MCC: variants seen among roughly 807,000 people sequenced by gnomAD.
MCC encodes the protein MCC regulator of Wnt signaling pathway.
In MCC, 90 loss-of-function variants were observed where a neutral mutation model predicts 116.2. The observed-to-expected ratio is 0.77, with a 90% CI of 0.65 to 0.92. The LOEUF (loss-of-function observed/expected upper bound fraction) is 0.92, where lower values mean the gene tolerates loss of function less well. MCC is among the 40% of genes least tolerant of loss of function. The pLI is 0.00. For missense variants in MCC, 1,516 were observed against 1,312.2 expected, an observed-to-expected ratio of 1.16 and a Z score of -2.40; for synonymous variants, 578 against 510.5, an observed-to-expected ratio of 1.13 and a Z score of -1.78.
chr5:113,114,787 C>A (rs1757301652), intron 6 of MCC, among the ~76,000 whole-genome samples: 1 of 152,158 alleles, frequency 6.6e-6, no homozygotes, highest in South Asian at 2.1e-4. Context: ...CCTTCCCGTT[C>A]CATCCCCCTT....
chr5:113,038,049 C>G (rs55847800), intron 17 of MCC, among the ~76,000 whole-genome samples: 1 of 152,100 alleles, frequency 6.6e-6, no homozygotes, highest in South Asian at 2.1e-4. Context: ...TCTCTGGGTT[C>G]TGAGGGTCAG....
intron 1 of MCC, among the ~76,000 whole-genome samples, chr5:113,445,642 G>C (rs1322750268): frequency 1.3e-5 from 2 of 152,016 alleles, no homozygotes; most frequent in South Asian, 4.1e-4. Context: ...GGAAAAATCG[G>C]TATTGTTAAA....
chr5:113,280,521 T>TA (rs1766004013), intron 3 of MCC, among the ~76,000 whole-genome samples: 1 of 152,090 alleles, frequency 6.6e-6, no homozygotes. Flanking sequence ...TTCTAAGTCG[T>TA]AAGTCAGAGG....
intron 3 of MCC, among the ~76,000 whole-genome samples, chr5:113,175,277 C>T (rs1218576677): frequency 1.3e-5 from 2 of 152,100 alleles, no homozygotes; most frequent in Non-Finnish European, 2.9e-5. Context: ...ATAATGAACC[C>T]CATTAGAACA....
At chr5:113,049,324 CAT>C (rs754234174) in intron 15 of MCC, 25 bp from the exon 16 acceptor site, 41 of 1,537,380 alleles carry the variant, frequency 2.7e-5, no homozygotes, top group Non-Finnish European at 3.6e-5. Context: ...GCACAGAGCA[CAT>C]GAGGCATGCC....
At chr5:113,037,348 T>C (rs1751391621) in intron 17 of MCC, among the ~76,000 whole-genome samples, 1 of 152,152 alleles carries the variant, frequency 6.6e-6, no homozygotes, top group African/African-American at 2.4e-5. Flanking sequence ...CTCGCTGGCT[T>C]TTTCGAAGGC....
chr5:113,185,817 G>A (rs568372020), intron 3 of MCC, among the ~76,000 whole-genome samples: 21 of 152,176 alleles, frequency 1.4e-4, no homozygotes, highest in South Asian at 8.3e-4. Context: ...AGAATGAAGC[G>A]TGCTGTAGCA....
At chr5:113,145,763 CACACACACACACACACACACAA>C (rs573540440) in intron 4 of MCC, among the ~76,000 whole-genome samples, 18,448 of 101,144 alleles carry the variant, frequency 0.18, 1,389 homozygotes, top group Non-Finnish European at 0.21. Context: ...CACACACACA[CACACACACACACACACACACAA>C]ACACACACAC....
chr5:113,069,884 C>A (rs1406045204), intron 12 of MCC, among the ~76,000 whole-genome samples: 3 of 152,202 alleles, frequency 2.0e-5, no homozygotes, highest in South Asian at 4.1e-4. Flanking sequence ...CCGCGCCCAG[C>A]GTCAATTGAC....
intron 3 of MCC, among the ~76,000 whole-genome samples, chr5:113,276,847 G>A (rs1397874757): frequency 7.0e-6 from 1 of 142,386 alleles, no homozygotes; most frequent in African/African-American, 2.6e-5. Flanking sequence ...CGGTGTTACC[G>A]AGGCTGGTCT....
intron 1 of MCC, chr5:113,448,367 C>A (rs2150418915): frequency 6.6e-6 from 1 of 152,202 alleles, no homozygotes; most frequent in African/African-American, 2.4e-5. Flanking sequence ...TGCTTCCAGA[C>A]ACAACTGGCT....
rs76161004 is a variant in MCC at position 113,483,278 on chromosome 5, A to T, written c.170+4967T>A. On this transcript the variant is annotated intron_variant, in intron 1 of 18. Transcript: ENST00000408903. ...CCTTTAAGTTTCCTCATGAATTTTA[A>T]GATCAGTTCATCAATTTCTGCAAAA... Among the ~76,000 whole-genome samples the T allele has an allele frequency of 6.8e-4, 104 of 152,318 alleles. 1 individual carries two copies. Among genetic ancestry groups the T allele is most frequent in the Non-Finnish European group, 1.3e-3 (90 of 68,014 alleles).
At chr5:113,050,447 A>AG (rs1462639724) in intron 15 of MCC, among the ~76,000 whole-genome samples, 4 of 152,228 alleles carry the variant, frequency 2.6e-5, no homozygotes, top group African/African-American at 9.6e-5. Flanking sequence ...CTCCTGGGTA[A>AG]GTTGGACTAG....
chr5:113,326,756 A>C (rs11748642), intron 3 of MCC, among the ~76,000 whole-genome samples: 85,394 of 152,050 alleles, frequency 0.56, 25,134 homozygotes, highest in African/African-American at 0.71. Flanking sequence ...GGTAATGAAT[A>C]TATTCCAGTA....
intron 8 of MCC, among the ~76,000 whole-genome samples, chr5:113,087,328 C>T (rs1035378178): frequency 4.6e-5 from 7 of 152,178 alleles, no homozygotes; most frequent in East Asian, 1.9e-4. Flanking sequence ...GTTCCAGTAA[C>T]GGAGGATCGA....
intron 15 of MCC, among the ~76,000 whole-genome samples, chr5:113,050,629 C>T (rs1429553494): frequency 1.3e-5 from 2 of 152,232 alleles, no homozygotes; most frequent in Non-Finnish European, 2.9e-5. Flanking sequence ...GCCTTCGGAT[C>T]TTTTGCCATT....
At chr5:113,180,405 G>GA (rs565270400) in intron 3 of MCC, among the ~76,000 whole-genome samples, 106 of 152,236 alleles carry the variant, frequency 7.0e-4, no homozygotes, top group Admixed American at 1.6e-3. Flanking sequence ...GAACCCACCA[G>GA]AAAAACCCAC....
intron 3 of MCC, among the ~76,000 whole-genome samples, chr5:113,175,238 A>C (rs1761274500): frequency 1.3e-5 from 2 of 152,234 alleles, no homozygotes; most frequent in African/African-American, 4.8e-5. Context: ...ATGCAAATGT[A>C]AAAGTATCTC....
At chr5:113,262,109 C>T (rs1320411251) in intron 3 of MCC, among the ~76,000 whole-genome samples, 7 of 151,558 alleles carry the variant, frequency 4.6e-5, no homozygotes, top group East Asian at 1.9e-4. Context: ...TTTTTAAGTA[C>T]GAGGTCCATG....
Sources: gnomAD v4.1 joint callset for allele counts (sites outside exome capture counted in the v4.1 genomes callset) on GRCh38, gnomAD v4.1.1 for gene constraint, MANE v1.5 for transcripts, NCBI Gene and HGNC (gene_info 2026-07-23, HGNC 2026-07-21) for gene names.